KANSL1L: variants seen among roughly 807,000 people sequenced by gnomAD.
KANSL1L encodes the protein KAT8 regulatory NSL complex subunit 1-like protein.
KANSL1L carries 25 observed loss-of-function variants against 108.6 expected under a neutral mutation model. The observed-to-expected ratio is 0.23, with a 90% CI of 0.17 to 0.32. The LOEUF is 0.32. Among genes scored for constraint, KANSL1L ranks in the 10% least tolerant of loss-of-function variants. The pLI, the probability that KANSL1L is intolerant of heterozygous loss-of-function variation, is 1.00. For missense variants in KANSL1L, 1,137 were observed against 1,125.7 expected, an observed-to-expected ratio of 1.01 and a Z score of -0.14; for synonymous variants, 405 against 395.1, an observed-to-expected ratio of 1.03 and a Z score of -0.30.
rs2093918671 is a variant in KANSL1L at position 210,025,163 on chromosome 2, C to G, written c.2505G>C (p.Glu835Asp). 6.2e-7 allele frequency: 1 copy of G among 1,613,376 alleles called. No individual in the cohort carries two copies. The highest frequency in any genetic ancestry group is 1.3e-5 in the African/African-American group (1 of 74,924). The change falls in exon 13 of 15, where the codon GAG (glutamate) becomes GAC (aspartate). Residue 835 changes from glutamate to aspartate, a missense_variant. Transcript: ENST00000281772. ...VFSLRHKKYE[E>D]REQARWSLWE... Reference sequence around the variant, plus strand: ...ATAGTGACCACCTGGCTTGCTCTCTCTCTTCATATTTTTTGTGCCTTAGGG... The same window carrying G: ...ATAGTGACCACCTGGCTTGCTCTCTGTCTTCATATTTTTTGTGCCTTAGGG...
intron 5 of KANSL1L, chr2:210,097,397 C>G (rs968261337): frequency 1.4e-6 from 1 of 735,380 alleles, no homozygotes; most frequent in Non-Finnish European, 1.7e-6. Flanking sequence ...GCAAAGAAGC[C>G]AACATTCCAA....
At chr2:210,046,890 C>G (rs932868603) in intron 6 of KANSL1L, among the ~76,000 whole-genome samples, 4 of 152,144 alleles carry the variant, frequency 2.6e-5, no homozygotes, top group African/African-American at 9.7e-5. Context: ...ACAGCCTAAA[C>G]TATATCAGGC....
At chr2:210,113,696 A>T (rs1161591379) in intron 3 of KANSL1L, among the ~76,000 whole-genome samples, 2 of 152,322 alleles carry the variant, frequency 1.3e-5, no homozygotes, top group Non-Finnish European at 2.9e-5. Context: ...CAAGAAAAAG[A>T]TGTTATGAAC....
At chr2:210,061,256 C>T (rs1036782141) in intron 6 of KANSL1L, among the ~76,000 whole-genome samples, 1 of 152,180 alleles carries the variant, frequency 6.6e-6, no homozygotes, top group Non-Finnish European at 1.5e-5. Flanking sequence ...CTACAACCCG[C>T]TTCTATAGAA....
intron 6 of KANSL1L, among the ~76,000 whole-genome samples, chr2:210,058,875 C>A (rs1304503662): frequency 7.2e-6 from 1 of 139,156 alleles, no homozygotes; most frequent in African/African-American, 2.7e-5. Context: ...TTTTACGGCT[C>A]AGGGGGCATC....
At chr2:210,163,419 C>T (rs534353147) in intron 1 of KANSL1L, among the ~76,000 whole-genome samples, 1 of 152,222 alleles carries the variant, frequency 6.6e-6, no homozygotes, top group African/African-American at 2.4e-5. Flanking sequence ...GAAAGTAGCA[C>T]TAAGCTTGAA....
In KANSL1L at chr2:210,057,948, G is replaced by A. The variant is rs2094372186; in HGVS notation, c.1756-13844C>T. On this transcript the variant is annotated intron_variant, in intron 6 of 14. Transcript: ENST00000281772. Reference sequence around the variant, plus strand: ...ATTGCATTAACTGCACAAATTGTTTGTAGAGCATGTGTGTTTGAACAATAT... The same window carrying A: ...ATTGCATTAACTGCACAAATTGTTTATAGAGCATGTGTGTTTGAACAATAT... 2.0e-5 allele frequency among the ~76,000 whole-genome samples: 3 copies of A among 152,240 alleles called. No individual in the cohort carries two copies. In the South Asian group the frequency reaches 6.2e-4, roughly 32 times the overall value.
chr2:210,118,378 T>C (rs190259009), intron 3 of KANSL1L, among the ~76,000 whole-genome samples: 3 of 143,838 alleles, frequency 2.1e-5, no homozygotes, highest in Non-Finnish European at 3.0e-5. Context: ...TGAGGCAGGA[T>C]AGTTGCTTGA....
chr2:210,113,745 A>C (rs1036074989), intron 3 of KANSL1L, among the ~76,000 whole-genome samples: 4 of 152,212 alleles, frequency 2.6e-5, no homozygotes, highest in African/African-American at 9.6e-5. Context: ...AAACCTGAAA[A>C]GAAACCAAAC....
chr2:210,109,795 T>C (rs946798065), intron 3 of KANSL1L, among the ~76,000 whole-genome samples: 7 of 151,988 alleles, frequency 4.6e-5, no homozygotes, highest in Admixed American at 6.5e-5. Context: ...TCCTTGGTAA[T>C]ATAAATTTAA....
At chr2:210,096,507 C>G in intron 5 of KANSL1L, 1 of 984,868 alleles carries the variant, frequency 1.0e-6, no homozygotes, top group Non-Finnish European at 1.2e-6. Flanking sequence ...TGAAAATTCA[C>G]AAACACATGA....
intron 3 of KANSL1L, among the ~76,000 whole-genome samples, chr2:210,120,479 A>G (rs558381513): frequency 8.7e-4 from 133 of 152,310 alleles, no homozygotes; most frequent in African/African-American, 3.1e-3. Context: ...TCCTTACACC[A>G]CATACAAAAA....
rs147624816 is a variant in KANSL1L at position 210,113,569 on chromosome 2, A to G, written c.1231-9268T>C. Among the ~76,000 whole-genome samples the G allele has an allele frequency of 2.2e-3, 331 of 152,250 alleles. 4 individuals are homozygous for G. The highest frequency in any genetic ancestry group is 7.7e-3 in the African/African-American group (321 of 41,578). On this transcript the variant is annotated intron_variant, in intron 3 of 14. Transcript: ENST00000281772. ...CAGGAAAAATGGAGCATTCAAAGGA[A>G]AAAAAAGAATAAACAGAAACTGTCC...
Position 210,050,936 on chromosome 2 carries a change from G to T in KANSL1L, c.1756-6832C>A, listed in dbSNP as rs185442553. Among the ~76,000 whole-genome samples, 4 of 152,096 alleles carry T rather than the reference G, an allele frequency of 2.6e-5. No individual in the cohort carries two copies. In the East Asian group the frequency reaches 7.8e-4, roughly 30 times the overall value. ...TTTTTGTATTTTTTTGTAGAGACAG[G>T]GTTTCCCCATGTTTCCCAGGCTGGT... is the stretch of plus-strand genomic sequence containing the variant. On this transcript the variant is annotated intron_variant, in intron 6 of 14. Coordinates refer to ENST00000281772, the MANE Select transcript of KANSL1L (RefSeq NM_152519.4).
At chr2:210,080,397 G>A (rs1408994179) in intron 5 of KANSL1L, 1 of 152,012 alleles carries the variant, frequency 6.6e-6, no homozygotes, top group African/African-American at 2.4e-5. Context: ...AAATTACCAG[G>A]CCCAGAGAAG....
chr2:210,025,298 T>G, intron 12 of KANSL1L, 82 bp from the exon 13 acceptor site: 2 of 805,456 alleles, frequency 2.5e-6, no homozygotes, highest in South Asian at 2.8e-5. Flanking sequence ...GGCTCACGCC[T>G]GTAATCCCAA....
chr2:210,089,527 T>G (rs929426816), intron 5 of KANSL1L, among the ~76,000 whole-genome samples: 5 of 152,146 alleles, frequency 3.3e-5, no homozygotes, highest in Non-Finnish European at 7.4e-5. Context: ...CCATTAAATT[T>G]AAAATAAAGA....
chr2:210,056,186 G>A (rs534432634), intron 6 of KANSL1L, among the ~76,000 whole-genome samples: 75 of 152,314 alleles, frequency 4.9e-4, no homozygotes, highest in African/African-American at 1.6e-3. Flanking sequence ...GGCAGCTTAC[G>A]TGTGGTGTTG....
chr2:210,163,799 T>G (rs2095373211), intron 1 of KANSL1L, among the ~76,000 whole-genome samples: 1 of 152,112 alleles, frequency 6.6e-6, no homozygotes, highest in Admixed American at 6.6e-5. Flanking sequence ...TCACATATTT[T>G]CCCCAAATAG....
Sources: gnomAD v4.1 joint callset for allele counts (sites outside exome capture counted in the v4.1 genomes callset) on GRCh38, gnomAD v4.1.1 for gene constraint, MANE v1.5 for transcripts, NCBI Gene and HGNC (gene_info 2026-07-23, HGNC 2026-07-21) for gene names.